STK3: variants seen among roughly 807,000 people sequenced by gnomAD.
STK3 encodes the protein serine/threonine-protein kinase 3.
In STK3, 41 loss-of-function variants were observed where a neutral mutation model predicts 58.0. The ratio of observed to expected loss-of-function variants is 0.71; its 90% CI spans 0.55 to 0.92. STK3 has a LOEUF of 0.92. Among genes scored for constraint, STK3 ranks in the 40% least tolerant of loss-of-function variants. The pLI is 0.00. For synonymous variants in STK3, 170 were observed against 191.0 expected (o/e 0.89, Z 0.91); for missense variants, 479 against 602.7 (o/e 0.79, Z 2.15).
chr8:98,805,452 G>A (rs1052676206), intron 1 of STK3, among the ~76,000 whole-genome samples: 2 of 152,074 alleles, frequency 1.3e-5, no homozygotes, highest in African/African-American at 2.4e-5. Flanking sequence ...GCGGGTGCCT[G>A]TAATCCCAGC....
chr8:98,524,433 T>C (rs903656950), intron 10 of STK3, among the ~76,000 whole-genome samples: 4 of 152,364 alleles, frequency 2.6e-5, no homozygotes, highest in African/African-American at 7.2e-5. Context: ...ACTCTGTAGA[T>C]TGCTTTAGGC....
intron 1 of STK3, among the ~76,000 whole-genome samples, chr8:98,896,333 T>C (rs1838444530): frequency 6.6e-6 from 1 of 152,190 alleles, no homozygotes. Context: ...AAAAACTGTT[T>C]CTTCAAAAGC....
chr8:98,792,743 A>G (rs1282075845), intron 1 of STK3, among the ~76,000 whole-genome samples: 2 of 152,194 alleles, frequency 1.3e-5, no homozygotes, highest in African/African-American at 2.4e-5. Flanking sequence ...CATTTGCTCC[A>G]GCAATCCCAC....
At chr8:98,754,075 C>T (rs1213062518) in intron 3 of STK3, among the ~76,000 whole-genome samples, 1 of 152,172 alleles carries the variant, frequency 6.6e-6, no homozygotes, top group Non-Finnish European at 1.5e-5. Context: ...CCTTGTTACC[C>T]GTATCTCTGA....
chr8:98,739,086 G>C (rs983062100), intron 4 of STK3, among the ~76,000 whole-genome samples: 6 of 152,208 alleles, frequency 3.9e-5, no homozygotes, highest in African/African-American at 1.4e-4. Context: ...CAAAGCAGCC[G>C]GGAAGCTCCA....
At chr8:98,599,149 C>G (rs1816097435) in intron 6 of STK3, among the ~76,000 whole-genome samples, 1 of 151,984 alleles carries the variant, frequency 6.6e-6, no homozygotes, top group Non-Finnish European at 1.5e-5. Flanking sequence ...GATATATGAG[C>G]AAAAGGTTAT....
chr8:98,557,548 A>T (rs1298444560), intron 8 of STK3, among the ~76,000 whole-genome samples: 1 of 151,838 alleles, frequency 6.6e-6, no homozygotes, highest in Non-Finnish European at 1.5e-5. Flanking sequence ...AAAATTACTG[A>T]GAAAACATCA....
At chr8:98,396,112 A>T (rs1471399621) in intron 3 of STK3, among the ~76,000 whole-genome samples, 1 of 152,222 alleles carries the variant, frequency 6.6e-6, no homozygotes, top group Non-Finnish European at 1.5e-5. Context: ...CCATTATGGC[A>T]CTAAAAACTC....
intron 6 of STK3, among the ~76,000 whole-genome samples, chr8:98,615,148 T>G (rs531524639): frequency 6.6e-6 from 1 of 151,810 alleles, no homozygotes; most frequent in African/African-American, 2.4e-5. Flanking sequence ...AGTGGGTCCC[T>G]GACCCCTGAC....
At chr8:98,549,081 T>C (rs1050972595) in intron 8 of STK3, among the ~76,000 whole-genome samples, 4 of 152,176 alleles carry the variant, frequency 2.6e-5, no homozygotes, top group Admixed American at 1.3e-4. Flanking sequence ...GACCTACAAG[T>C]ATCTGTTTGA....
chr8:98,566,038 T>C (rs1345874088), intron 8 of STK3, among the ~76,000 whole-genome samples: 1 of 152,192 alleles, frequency 6.6e-6, no homozygotes, highest in Non-Finnish European at 1.5e-5. Context: ...TTGCAATTTG[T>C]TTAATTTTAG....
intron 1 of STK3, among the ~76,000 whole-genome samples, chr8:98,933,323 A>G (rs1840070267): frequency 6.6e-6 from 1 of 152,216 alleles, no homozygotes; most frequent in African/African-American, 2.4e-5. Flanking sequence ...TTGTATACAG[A>G]CCGAAAAACA....
chr8:98,419,296 G>T (rs534243963), intron 3 of STK3, among the ~76,000 whole-genome samples: 1 of 152,238 alleles, frequency 6.6e-6, no homozygotes, highest in African/African-American at 2.4e-5. Flanking sequence ...AGGAGGTAGA[G>T]GTTGGAATGA....
chr8:98,491,640 G>A (rs1327181258), intron 10 of STK3, among the ~76,000 whole-genome samples: 1 of 152,010 alleles, frequency 6.6e-6, no homozygotes, highest in African/African-American at 2.4e-5. Context: ...TCACCATGTT[G>A]GCCAGGCTGG....
Position 98,845,205 on chromosome 8 carries a change from G to A in STK3, c.110+38442C>T, listed in dbSNP as rs1037038622. Among the ~76,000 whole-genome samples, 32 of 152,032 alleles carry A rather than the reference G, an allele frequency of 2.1e-4. 1 individual carries two copies. Among genetic ancestry groups the A allele is most frequent in the Admixed American group, 2.0e-3 (30 of 15,266 alleles). ...ATACCGACTTATTTTTTTAAACCAC[G>A]TATTTATTTCACTGAGTTTTTGTTT... On this transcript the variant is annotated intron_variant, in intron 3 of 12. Coordinates refer to the STK3 transcript ENST00000523601.
the STK3 span, among the ~76,000 whole-genome samples, chr8:98,360,488 A>G: frequency 6.6e-6 from 1 of 150,684 alleles, no homozygotes; most frequent in Non-Finnish European, 1.5e-5. Flanking sequence ...TACGAAGACA[A>G]CCATGTCTTT....
At chr8:98,743,173 T>C (rs575903255) in intron 4 of STK3, among the ~76,000 whole-genome samples, 2 of 151,594 alleles carry the variant, frequency 1.3e-5, no homozygotes, top group Non-Finnish European at 2.9e-5. Context: ...TTTTATAGAT[T>C]CAATGCCATC....
intron 3 of STK3, among the ~76,000 whole-genome samples, chr8:98,872,837 C>T (rs186253184): frequency 9.9e-4 from 150 of 152,282 alleles, no homozygotes; most frequent in Non-Finnish European, 1.6e-3. Flanking sequence ...GTCTCTGTCT[C>T]CTTAGTTCTG....
chr8:98,932,542 T>C (rs1271637132), intron 1 of STK3, among the ~76,000 whole-genome samples: 1 of 152,222 alleles, frequency 6.6e-6, no homozygotes, highest in African/African-American at 2.4e-5. Context: ...TGTAGGTGTT[T>C]AATGAATCAG....
Sources: gnomAD v4.1 joint callset for allele counts (sites outside exome capture counted in the v4.1 genomes callset) on GRCh38, gnomAD v4.1.1 for gene constraint, MANE v1.5 for transcripts, NCBI Gene and HGNC (gene_info 2026-07-23, HGNC 2026-07-21) for gene names.